TBXAS1: variants seen among roughly 807,000 people sequenced by gnomAD.
TBXAS1 encodes thromboxane A synthase 1, also known as thromboxane-A synthase.
In TBXAS1, 48 loss-of-function variants were observed where a neutral mutation model predicts 60.7. That is an observed-to-expected ratio of 0.79 (90% CI 0.63 to 1.01). The LOEUF is 1.01. Among genes scored for constraint, TBXAS1 ranks in the 50% least tolerant of loss-of-function variants. The pLI is 0.00. For synonymous variants in TBXAS1, 287 were observed against 269.7 expected (o/e 1.06, Z -0.63); for missense variants, 685 against 686.3 (o/e 1.00, Z 0.02).
intron 4 of TBXAS1, among the ~76,000 whole-genome samples, chr7:139,803,670 C>A (rs1585528674): frequency 6.6e-6 from 1 of 152,298 alleles, no homozygotes; most frequent in Non-Finnish European, 1.5e-5. Context: ...CAGGCCCCCA[C>A]TGTGTGCAGC....
At chr7:139,907,119 C>T (rs1805166578) in intron 3 of TBXAS1, among the ~76,000 whole-genome samples, 1 of 152,120 alleles carries the variant, frequency 6.6e-6, no homozygotes, top group South Asian at 2.1e-4. Context: ...TGTTCCCCAT[C>T]TTAAGGAAAA....
rs1218879248 is a variant in TBXAS1, at chr7:139,955,529, G to T, written c.610G>T (p.Ala204Ser). The change falls in exon 7 of 13, where the codon GCC becomes TCC. Residue 204 changes from alanine to serine, a missense_variant. By Grantham distance (99) the Ala-to-Ser change is moderately conservative. Coordinates refer to ENST00000448866, the MANE Select transcript of TBXAS1 (RefSeq NM_001061.7). ...AFGTPVDSWQAPEDPFVKHCK... is the reference protein window; with the variant it reads ...AFGTPVDSWQSPEDPFVKHCK... Reference sequence around the variant, plus strand: ...TGGCACCCCGGTGGACTCCTGGCAGGCCCCTGAGGATCCCTTTGTGAAACA... The same window carrying T: ...TGGCACCCCGGTGGACTCCTGGCAGTCCCCTGAGGATCCCTTTGTGAAACA... 1.2e-6 allele frequency: 2 copies of T among 1,614,224 alleles called. No individual in the cohort carries two copies. The highest frequency in any genetic ancestry group is 1.7e-5 in the Admixed American group (1 of 60,034).
intron 1 of TBXAS1, among the ~76,000 whole-genome samples, chr7:139,870,814 T>TCCC (rs1472613385): frequency 3.9e-5 from 6 of 152,164 alleles, no homozygotes; most frequent in African/African-American, 1.4e-4. Flanking sequence ...TTTGGCCAGG[T>TCCC]GTGGTGGCTT....
intron 11 of TBXAS1, among the ~76,000 whole-genome samples, chr7:140,016,220 T>C (rs995556008): frequency 9.2e-5 from 14 of 151,656 alleles, no homozygotes; most frequent in South Asian, 2.1e-4. Context: ...CCCAGCTACT[T>C]GGGAGGCTGA....
At position 139,829,411 on chromosome 7, in the gene TBXAS1, A is replaced by G. The variant is rs950203644; in HGVS notation, c.21A>G (p.Leu7=). MEALGF[L]KLEVNGPMVT... is the part of the protein sequence containing the mutation. Reference sequence around the variant, plus strand: ...GAATGATGGAAGCCTTGGGGTTTCTAAAATTGGAAGTGAATGGCCCCATGG... The same window carrying G: ...GAATGATGGAAGCCTTGGGGTTTCTGAAATTGGAAGTGAATGGCCCCATGG... Residue 7 remains leucine, a synonymous_variant, in exon 1 of 13, where the codon CTA becomes CTG. Coordinates refer to ENST00000448866, the MANE Select transcript of TBXAS1 (RefSeq NM_001061.7). 4 of 1,613,786 alleles carry G rather than the reference A, an allele frequency of 2.5e-6. No individual in the cohort carries two copies. Among genetic ancestry groups the G allele is most frequent in the Non-Finnish European group, 3.4e-6 (4 of 1,179,932 alleles).
At chr7:139,963,209 C>A (rs2117389037) in intron 9 of TBXAS1, among the ~76,000 whole-genome samples, 1 of 152,336 alleles carries the variant, frequency 6.6e-6, no homozygotes, top group African/African-American at 2.4e-5. Context: ...TGGTCAACTT[C>A]AAGTTCTAAG....
chr7:139,933,859 C>T (rs139003883), intron 4 of TBXAS1, among the ~76,000 whole-genome samples: 2,324 of 139,118 alleles, frequency 0.017, 34 homozygotes, highest in South Asian at 0.043. Flanking sequence ...CCCCACACCC[C>T]GCAACCTGCA....
At chr7:139,884,052 G>C (rs1334785375) in intron 3 of TBXAS1, among the ~76,000 whole-genome samples, 3 of 152,184 alleles carry the variant, frequency 2.0e-5, no homozygotes, top group East Asian at 1.9e-4. Context: ...GCCCCTATCA[G>C]TGTGCATCAG....
chr7:139,911,340 G>T lies in TBXAS1; in HGVS notation c.333+19G>T. ...CAGAATGGTACGTAGTTTTCTTTCC[G>T]CATATAGATGGATGGGGAATTGTTC... On this transcript the variant is annotated intron_variant, in intron 4 of 12. Coordinates refer to ENST00000448866, the MANE Select transcript of TBXAS1 (RefSeq NM_001061.7). 4 of 1,586,954 alleles carry T rather than the reference G, an allele frequency of 2.5e-6. No homozygotes were observed. The highest frequency in any genetic ancestry group is 1.1e-5 in the South Asian group (1 of 90,494).
chr7:140,015,686 T>C, intron 10 of TBXAS1, 37 bp from the exon 11 acceptor site: 1 of 1,610,920 alleles, frequency 6.2e-7, no homozygotes, highest in Non-Finnish European at 8.5e-7. Context: ...TCCTCATCTC[T>C]TCTCTGTATC....
intron 5 of TBXAS1, among the ~76,000 whole-genome samples, chr7:139,946,871 CCTA>C (rs1211672606): frequency 6.6e-6 from 1 of 152,194 alleles, no homozygotes; most frequent in African/African-American, 2.4e-5. Flanking sequence ...GGGAAGGAAA[CCTA>C]CTAATTTGCA....
intron 3 of TBXAS1, among the ~76,000 whole-genome samples, chr7:139,897,982 C>T (rs532614321): frequency 6.6e-6 from 1 of 152,284 alleles, no homozygotes; most frequent in African/African-American, 2.4e-5. Context: ...GAAAGACACT[C>T]CATGAGCCAA....
At chr7:139,840,393 A>G (rs1305914824) in intron 1 of TBXAS1, among the ~76,000 whole-genome samples, 2 of 152,204 alleles carry the variant, frequency 1.3e-5, no homozygotes, top group Non-Finnish European at 2.9e-5. Context: ...TTCGGTTCCT[A>G]AAAGTGTTTA....
At chr7:139,943,895 AC>A (rs1386752617) in intron 5 of TBXAS1, among the ~76,000 whole-genome samples, 4 of 152,134 alleles carry the variant, frequency 2.6e-5, no homozygotes, top group Non-Finnish European at 5.9e-5. Context: ...ACCCAGAAAT[AC>A]GTTTAAATAC....
chr7:139,781,899 C>T (rs1797009518), intron 2 of TBXAS1, among the ~76,000 whole-genome samples: 1 of 147,214 alleles, frequency 6.8e-6, no homozygotes, highest in Non-Finnish European at 1.5e-5. Flanking sequence ...ACAAGAGTTG[C>T]ATTAGTGACT....
intron 4 of TBXAS1, among the ~76,000 whole-genome samples, chr7:139,932,538 C>CAA (rs543092786): frequency 5.1e-5 from 7 of 137,302 alleles, no homozygotes; most frequent in African/African-American, 1.9e-4. Context: ...CTCAGGGTCA[C>CAA]AAAAAAAAAA....
intron 5 of TBXAS1, among the ~76,000 whole-genome samples, chr7:139,941,104 C>G (rs1453045194): frequency 6.6e-6 from 1 of 152,188 alleles, no homozygotes; most frequent in African/African-American, 2.4e-5. Flanking sequence ...GTATCTGAGT[C>G]AGTTTTCCTG....
chr7:139,984,946 AAAAGAAAG>A (rs111228602), intron 9 of TBXAS1, among the ~76,000 whole-genome samples: 51 of 141,900 alleles, frequency 3.6e-4, no homozygotes, highest in Non-Finnish European at 5.0e-4. Context: ...GAAAGAAAAG[AAAAGAAAG>A]AAAGAAAGAA....
intron 3 of TBXAS1, among the ~76,000 whole-genome samples, chr7:139,898,253 G>A (rs1045544535): frequency 4.6e-5 from 7 of 152,100 alleles, no homozygotes; most frequent in Non-Finnish European, 8.8e-5. Flanking sequence ...AGACTTGAGG[G>A]TAGGACAGCA....
Sources: gnomAD v4.1 joint callset for allele counts (sites outside exome capture counted in the v4.1 genomes callset) on GRCh38, gnomAD v4.1.1 for gene constraint, MANE v1.5 for transcripts, NCBI Gene and HGNC (gene_info 2026-07-23, HGNC 2026-07-21) for gene names.